Variants in GAA observed in about 807,000 individuals in gnomAD.
The protein encoded by GAA is alpha glucosidase.
In GAA, 88 loss-of-function variants were observed where a neutral mutation model predicts 103.9. The ratio of observed to expected loss-of-function variants is 0.85; its 90% CI spans 0.71 to 1.01. GAA has a LOEUF of 1.01. Ranked by LOEUF, GAA falls within the 50% of genes least tolerant of loss-of-function variation. The pLI is 0.00. For synonymous variants in GAA, 572 were observed against 563.1 expected (o/e 1.02, Z -0.22); for missense variants, 1,350 against 1,305.3 (o/e 1.03, Z -0.53).
At chr17:80,107,440 G>T in intron 3 of GAA, 117 bp from the exon 4 acceptor site, 1 of 1,352,842 alleles carries the variant, frequency 7.4e-7, no homozygotes, top group South Asian at 1.2e-5. Context: ...GTGCTGCAGG[G>T]CTGGCCAGGC....
chr17:80,104,981 G>C lies in GAA; in HGVS notation c.395G>C (p.Ser132Thr), dbSNP rs772908626. 31 of 1,612,646 alleles carry C rather than the reference G, an allele frequency of 1.9e-5. No homozygotes were observed. The highest frequency in any genetic ancestry group is 1.6e-4 in the Middle Eastern group (1 of 6,084). The part of the protein sequence containing the change: ...MGQPWCFFPP[S>T]YPSYKLENLS... Reference sequence around the variant, plus strand: ...CAGCCCTGGTGCTTCTTCCCACCCAGCTACCCCAGCTACAAGCTGGAGAAC... The same window carrying C: ...CAGCCCTGGTGCTTCTTCCCACCCACCTACCCCAGCTACAAGCTGGAGAAC... The change falls in exon 2 of 20, where the codon AGC becomes ACC. Residue 132 changes from serine (S) to threonine (T), a missense_variant. Physicochemically the swap from Ser to Thr is moderately conservative, Grantham distance 58 (BLOSUM62 1). Coordinates refer to ENST00000302262, the MANE Select transcript of GAA (RefSeq NM_000152.5). The surrounding 1 kb of genome is among the most constrained non-coding windows in gnomAD (Gnocchi z 4.0).
chr17:80,117,171 C>T, intron 16 of GAA, 62 bp downstream of exon 16: 1 of 1,558,206 alleles, frequency 6.4e-7, no homozygotes, highest in Non-Finnish European at 8.8e-7. Context: ...CCCACCTGCC[C>T]CCTCCACCCA....
Position 80,117,091 on chromosome 17 carries a change from A to G in GAA, c.2313A>G (p.Thr771=), listed in dbSNP as rs779165377. 4 of 1,612,964 alleles carry G rather than the reference A, an allele frequency of 2.5e-6. No homozygotes were observed. Among genetic ancestry groups the G allele is most frequent in the East Asian group, 2.2e-5 (1 of 44,894 alleles). The change falls in exon 16 of 20, where the codon ACA becomes ACG. Residue 771 remains threonine (T), a synonymous_variant. Coordinates refer to ENST00000302262, the MANE Select transcript of GAA (RefSeq NM_000152.5). ...AEVTGYFPLG[T]WYDLQTVPVE... ...TGACTGGCTACTTCCCCTTGGGCAC[A>G]TGGTACGACCTGCAGACGGTGAGTC...
intron 1 of GAA, among the ~76,000 whole-genome samples, chr17:80,103,230 G>T (rs1212515454): frequency 1.3e-5 from 2 of 152,196 alleles, no homozygotes; most frequent in Non-Finnish European, 2.9e-5. Flanking sequence ...GAGCTTCACT[G>T]GCCAGGGGCT....
chr17:80,108,746 C>T lies in GAA; in HGVS notation c.1244C>T (p.Thr415Met), dbSNP rs374842126. 6.8e-6 allele frequency: 11 copies of T among 1,612,038 alleles called. No individual in the cohort carries two copies. The highest frequency in any genetic ancestry group is 4.5e-5 in the East Asian group (2 of 44,850). Residue 415 changes from threonine (T) to methionine (M), a missense_variant, in exon 8 of 20, where the codon ACG (threonine) becomes ATG (methionine). Physicochemically the swap from Thr to Met is moderately conservative, Grantham distance 81 (BLOSUM62 -1). Transcript: ENST00000302262. ...TACATGGACTCCCGGAGGGACTTCACGTTCAACAAGGATGGCTTCCGGGAC... is the reference window on the plus strand; with the variant it reads ...TACATGGACTCCCGGAGGGACTTCATGTTCAACAAGGATGGCTTCCGGGAC... ...LDYMDSRRDFTFNKDGFRDFP... is the reference protein window; with the variant it reads ...LDYMDSRRDFMFNKDGFRDFP...
At chr17:80,103,537 A>T (rs1469057386) in intron 1 of GAA, among the ~76,000 whole-genome samples, 1 of 152,218 alleles carries the variant, frequency 6.6e-6, no homozygotes, top group African/African-American at 2.4e-5. Flanking sequence ...AGCCAGGCTA[A>T]TAGAATGTTT....
At chr17:80,118,949 G>T (rs948628651) in intron 19 of GAA, 144 bp downstream of exon 19, 63 of 1,046,880 alleles carry the variant, frequency 6.0e-5, no homozygotes, top group Middle Eastern at 2.9e-4. Context: ...AGTGGGAAGG[G>T]TCAGGCCACA....
At chr17:80,106,045 A>C in intron 3 of GAA, 151 bp downstream of exon 3, 63 of 994,276 alleles carry the variant, frequency 6.3e-5, no homozygotes, top group Non-Finnish European at 8.4e-5. Flanking sequence ...GGCATTTCTC[A>C]CAGGGCGCTC....
intron 3 of GAA, 100 bp downstream of exon 3, chr17:80,105,994 G>A: frequency 2.1e-6 from 3 of 1,451,068 alleles, no homozygotes; most frequent in Non-Finnish European, 1.8e-6. Context: ...CGATGGGCAG[G>A]GCGACACATG....
In GAA at chr17:80,118,757, C is replaced by G. The variant is rs146507838; in HGVS notation, c.2751C>G (p.Leu917=). 3 of 1,613,572 alleles carry G rather than the reference C, an allele frequency of 1.9e-6. No homozygotes were observed. The highest frequency in any genetic ancestry group is 2.5e-6 in the Non-Finnish European group (3 of 1,180,028). Residue 917 remains leucine, a synonymous_variant, in exon 19 of 20, where the codon CTC becomes CTG. Transcript: ENST00000302262. ...TGGCCACGGCGCCCCAGCAGGTCCT[C>G]TCCAACGGTGTCCCTGTCTCCAACT... The part of the protein sequence containing the change: ...LGVATAPQQV[L]SNGVPVSNFT...
rs142472738 is a variant in GAA at position 80,118,742 on chromosome 17, G to A, written c.2736G>A (p.Ala912=). Residue 912 remains alanine (A), a synonymous_variant, in exon 19 of 20, where the codon GCG becomes GCA. Transcript: ENST00000302262. ...TGACTGTCCTGGGCGTGGCCACGGC[G>A]CCCCAGCAGGTCCTCTCCAACGGTG... The part of the protein sequence containing the change: ...QKVTVLGVAT[A]PQQVLSNGVP... The A allele has an allele frequency of 5.9e-5, 95 of 1,613,322 alleles. No homozygotes were observed. In the African/African-American group the frequency reaches 8.0e-4, roughly 14 times the overall value.
intron 9 of GAA, 26 bp downstream of exon 9, chr17:80,110,081 G>A: frequency 6.3e-7 from 1 of 1,592,002 alleles, no homozygotes; most frequent in Non-Finnish European, 8.6e-7. Flanking sequence ...AGGGGACGGG[G>A]GTTAGAAAGC....
At chr17:80,103,379 T>G (rs2038998177) in intron 1 of GAA, among the ~76,000 whole-genome samples, 1 of 152,170 alleles carries the variant, frequency 6.6e-6, no homozygotes, top group African/African-American at 2.4e-5. Context: ...TTCTTCCTCC[T>G]TTCCCTGGGG....
At chr17:80,111,140 G>GGT in intron 11 of GAA, 115 bp downstream of exon 11, 2 of 939,486 alleles carry the variant, frequency 2.1e-6, no homozygotes, top group East Asian at 2.7e-5. Flanking sequence ...CGGGGAAAGG[G>GGT]GCGGGGGGGG....
chr17:80,107,737 G>A lies in GAA; in HGVS notation c.858+15G>A, dbSNP rs754760986. The A allele has an allele frequency of 9.1e-5, 146 of 1,610,146 alleles. No individual in the cohort carries two copies. In the East Asian group the frequency reaches 1.3e-3, roughly 15 times the overall value. On this transcript the variant is annotated intron_variant, in intron 4 of 19. Coordinates refer to ENST00000302262, the MANE Select transcript of GAA (RefSeq NM_000152.5). The stretch of plus-strand genomic sequence containing the variant: ...TTGCGCCCACGGTACAGCGGCGGGC[G>A]GCGGGCGGGGGCACTGAGCTGGGGA...
chr17:80,118,951 C>A, intron 19 of GAA, 146 bp downstream of exon 19: 1 of 998,066 alleles, frequency 1.0e-6, no homozygotes, highest in Non-Finnish European at 1.5e-6. Flanking sequence ...TGGGAAGGGT[C>A]AGGCCACACA....
intron 19 of GAA, 90 bp downstream of exon 19, chr17:80,118,895 G>C: frequency 6.7e-7 from 1 of 1,487,816 alleles, no homozygotes; most frequent in Non-Finnish European, 9.2e-7. Flanking sequence ...ACCGATGCCA[G>C]GAACAGAGGA....
intron 11 of GAA, 88 bp from the exon 12 acceptor site, chr17:80,111,895 A>G (rs2039243561): frequency 1.8e-6 from 2 of 1,111,816 alleles, no homozygotes; most frequent in East Asian, 2.4e-5. Context: ...CGACCTGCAC[A>G]GGGGCTCCTG....
rs1598581655 is a variant in GAA at position 80,110,822 on chromosome 17, C to G, written c.1533C>G (p.Pro511=). 1 of 1,614,128 alleles carries G rather than the reference C, an allele frequency of 6.2e-7. No individual in the cohort carries two copies. The highest frequency in any genetic ancestry group is 2.2e-5 in the East Asian group (1 of 44,876). Residue 511 remains proline, a synonymous_variant, in exon 10 of 20, where the codon CCC becomes CCG. Coordinates refer to ENST00000302262, the MANE Select transcript of GAA (RefSeq NM_000152.5). ...DMVAEFHDQV[P]FDGMWIDMNE... is the part of the protein sequence containing the mutation. ...TGGCTGAGTTCCATGACCAGGTGCC[C>G]TTCGACGGCATGTGGATTGTAAGTG...
Sources: gnomAD v4.1 joint callset for allele counts (sites outside exome capture counted in the v4.1 genomes callset) on GRCh38, gnomAD v4.1.1 for gene constraint, Gnocchi (gnomAD v3.1) non-coding constraint, MANE v1.5 for transcripts, NCBI Gene and HGNC (gene_info 2026-07-23, HGNC 2026-07-21) for gene names.